The following ITPR2 variants were observed in gnomAD, a reference collection of about 807,000 sequenced individuals.
ITPR2 encodes the protein inositol 1,4,5-trisphosphate receptor type 2, also known as inositol 1,4,5-trisphosphate-gated calcium channel ITPR2.
ITPR2 carries 207 observed loss-of-function variants against 317.1 expected under a neutral mutation model. That is an observed-to-expected ratio of 0.65 (90% CI 0.58 to 0.73). The LOEUF is 0.73. Ranked by LOEUF, ITPR2 falls within the 30% of genes least tolerant of loss-of-function variation. The pLI is 0.00. For synonymous variants in ITPR2, 1,156 were observed against 1,149.1 expected (o/e 1.01, Z -0.12); for missense variants, 2,613 against 3,284.0 (o/e 0.80, Z 4.99).
rs548923985 is a variant in ITPR2 at position 26,400,272 on chromosome 12, T to C, written c.7400-14A>G. On this transcript the variant is annotated splice_polypyrimidine_tract_variant and intron_variant, in intron 52 of 56. Transcript: ENST00000381340. The stretch of plus-strand genomic sequence containing the variant: ...ACTCTTCATCAGCTATAAAAACACA[T>C]ACAAATATATGATATAAAATTATGT... 4.8e-6 allele frequency: 7 copies of C among 1,449,166 alleles called. No homozygotes were observed. The highest frequency in any genetic ancestry group is 4.2e-5 in the African/African-American group (3 of 70,620). The allele number at this position is 1,449,166 out of a possible 1,614,324, so 89.8% of individuals were successfully genotyped here. A position where few individuals can be genotyped will look rare whatever the true frequency, so the allele number is the denominator to read the frequency against.
chr12:26,464,879 G>A (rs1942130390), intron 45 of ITPR2, among the ~76,000 whole-genome samples: 2 of 152,168 alleles, frequency 1.3e-5, no homozygotes, highest in African/African-American at 4.8e-5. Context: ...GAGTGTCTGG[G>A]GTATCTGAGT....
At chr12:26,498,886 G>T (rs889634936) in intron 37 of ITPR2, among the ~76,000 whole-genome samples, 25 of 151,970 alleles carry the variant, frequency 1.6e-4, no homozygotes, top group African/African-American at 6.0e-4. Context: ...GCCCAGGCTG[G>T]AGTACAGTGG....
intron 48 of ITPR2, 54 bp downstream of exon 48, chr12:26,436,167 T>TTTTGA: frequency 6.9e-7 from 1 of 1,444,320 alleles, no homozygotes; most frequent in Non-Finnish European, 9.2e-7. Flanking sequence ...AAGCTTTAAA[T>TTTTGA]AGTTAAGTGG....
At chr12:26,566,363 AAGGAG>A (rs1319336724) in intron 34 of ITPR2, among the ~76,000 whole-genome samples, 29 of 126,180 alleles carry the variant, frequency 2.3e-4, no homozygotes, top group Admixed American at 3.2e-4. Context: ...GAGGAAAGAG[AAGGAG>A]AGGAGAGGAG....
chr12:26,407,883 C>T (rs1940406076), intron 52 of ITPR2, among the ~76,000 whole-genome samples: 1 of 152,212 alleles, frequency 6.6e-6, no homozygotes, highest in Admixed American at 6.5e-5. Context: ...GCGCTCAGCA[C>T]AGTACCTGAA....
At chr12:26,416,520 T>C (rs559046632) in intron 50 of ITPR2, among the ~76,000 whole-genome samples, 1 of 152,252 alleles carries the variant, frequency 6.6e-6, no homozygotes, top group Non-Finnish European at 1.5e-5. Context: ...TTCAGGACCT[T>C]GTCTATTTTT....
intron 55 of ITPR2, among the ~76,000 whole-genome samples, chr12:26,359,399 G>T (rs1938750518): frequency 6.6e-6 from 1 of 152,136 alleles, no homozygotes; most frequent in Admixed American, 6.5e-5. Context: ...AAGAAAGCAG[G>T]CTATGATTTA....
At chr12:26,635,629 T>C (rs1027481870) in intron 21 of ITPR2, among the ~76,000 whole-genome samples, 2 of 152,214 alleles carry the variant, frequency 1.3e-5, no homozygotes, top group African/African-American at 4.8e-5. Flanking sequence ...TTTTTAATAG[T>C]TGGATTTGAA....
intron 1 of ITPR2, among the ~76,000 whole-genome samples, chr12:26,817,200 AAAG>A (rs1950872677): frequency 6.6e-6 from 1 of 151,074 alleles, no homozygotes; most frequent in African/African-American, 2.4e-5. Flanking sequence ...AAAAAAAAAA[AAAG>A]GGCAGTACGA....
intron 55 of ITPR2, among the ~76,000 whole-genome samples, chr12:26,342,730 C>T (rs145019466): frequency 0.038 from 5,860 of 152,212 alleles, 333 homozygotes; most frequent in African/African-American, 0.13. Flanking sequence ...CCGCCTCAGC[C>T]TCCCGAGTAG....
At chr12:26,401,909 A>T (rs1940191827) in intron 52 of ITPR2, among the ~76,000 whole-genome samples, 1 of 152,244 alleles carries the variant, frequency 6.6e-6, no homozygotes, top group African/African-American at 2.4e-5. Context: ...GTCAGAGATG[A>T]AGGTGCAAGT....
At chr12:26,431,342 T>C (rs1432716167) in intron 48 of ITPR2, among the ~76,000 whole-genome samples, 1 of 152,230 alleles carries the variant, frequency 6.6e-6, no homozygotes, top group African/African-American at 2.4e-5. Flanking sequence ...TAGGGATATC[T>C]GGCGTGGCAG....
chr12:26,425,190 T>C (rs977637903), intron 49 of ITPR2, among the ~76,000 whole-genome samples: 4 of 152,120 alleles, frequency 2.6e-5, no homozygotes, highest in African/African-American at 9.7e-5. Context: ...GCAATCATCC[T>C]GCCTCAGCCT....
intron 1 of ITPR2, among the ~76,000 whole-genome samples, chr12:26,813,698 G>A (rs1462516647): frequency 6.6e-6 from 1 of 152,080 alleles, no homozygotes; most frequent in Non-Finnish European, 1.5e-5. Context: ...CCAGAGCTTT[G>A]AGGCTTTGTG....
Position 26,659,204 on chromosome 12 carries a change from A to G in ITPR2, c.1795T>C (p.Leu599=), listed in dbSNP as rs372473612. The change falls in exon 16 of 57, where the codon TTG becomes CTG. Residue 599 remains leucine (L), a synonymous_variant. Coordinates refer to ENST00000381340, the MANE Select transcript of ITPR2 (RefSeq NM_002223.4). ...ILAEDTITAL[L]HNNRKLLEKH... ...TCTAGTAGTTTTCTGTTGTTGTGCA[A>G]CAAAGCTGTGATAGTATCTTCTGCC... 6.4e-5 allele frequency: 104 copies of G among 1,613,272 alleles called. No homozygotes were observed. The highest frequency in any genetic ancestry group is 8.2e-5 in the Non-Finnish European group (97 of 1,179,438).
intron 5 of ITPR2, chr12:26,721,238 C>A: frequency 2.1e-6 from 1 of 486,236 alleles, no homozygotes; most frequent in Non-Finnish European, 3.7e-6. Context: ...CAACACAAGA[C>A]TTAAAGTGCA....
At chr12:26,483,995 T>A in intron 41 of ITPR2, 97 bp from the exon 42 acceptor site, 4 of 1,058,422 alleles carry the variant, frequency 3.8e-6, no homozygotes, top group African/African-American at 1.6e-5. Flanking sequence ...AACTTTTCTT[T>A]GTAAGAAAAG....
intron 16 of ITPR2, 94 bp from the exon 17 acceptor site, chr12:26,658,224 CTT>C: frequency 1.2e-6 from 1 of 822,892 alleles, no homozygotes; most frequent in Non-Finnish European, 1.7e-6. Flanking sequence ...ATAAAATAAA[CTT>C]ATTATATGTT....
chr12:26,606,738 C>T (rs1408752685), intron 26 of ITPR2, among the ~76,000 whole-genome samples: 4 of 151,634 alleles, frequency 2.6e-5, no homozygotes, highest in African/African-American at 7.3e-5. Context: ...TTGAGGTTAG[C>T]GTAGGCCACA....
Sources: gnomAD v4.1 joint callset for allele counts (sites outside exome capture counted in the v4.1 genomes callset) on GRCh38, gnomAD v4.1.1 for gene constraint, MANE v1.5 for transcripts, NCBI Gene and HGNC (gene_info 2026-07-23, HGNC 2026-07-21) for gene names.